Variants in PDXDC1 observed in about 807,000 individuals in gnomAD.
The protein encoded by PDXDC1 is pyridoxal dependent decarboxylase domain containing 1, also known as pyridoxal-dependent decarboxylase domain-containing protein 1.
PDXDC1 carries 42 observed loss-of-function variants against 100.1 expected under a neutral mutation model. The observed-to-expected ratio is 0.42, with a 90% CI of 0.33 to 0.54. PDXDC1 has a LOEUF of 0.54. PDXDC1 is among the 20% of genes least tolerant of loss of function. The pLI is 0.10. For missense variants in PDXDC1, 636 were observed against 979.2 expected (o/e 0.65, Z 4.68); for synonymous variants, 260 against 371.7 (o/e 0.70, Z 3.46).
intron 16 of PDXDC1, among the ~76,000 whole-genome samples, chr16:15,062,577 T>C (rs1399539096): frequency 2.0e-5 from 3 of 152,194 alleles, no homozygotes; most frequent in Non-Finnish European, 2.9e-5. Flanking sequence ...GGAGGGTATG[T>C]TGCAACCTGC....
intron 16 of PDXDC1, chr16:15,131,232 G>A (rs779806835): frequency 1.9e-6 from 3 of 1,591,582 alleles, no homozygotes; most frequent in Non-Finnish European, 2.6e-6. Context: ...CCCAGTCCGA[G>A]TTGTTGGGCA....
chr16:15,073,869 A>G (rs538923287), intron 16 of PDXDC1, among the ~76,000 whole-genome samples: 1 of 152,096 alleles, frequency 6.6e-6, no homozygotes, highest in South Asian at 2.1e-4. Flanking sequence ...TGATCCTCCC[A>G]CCTTGGCCTA....
At chr16:15,018,265 T>A (rs2041941317) in intron 11 of PDXDC1, among the ~76,000 whole-genome samples, 1 of 152,160 alleles carries the variant, frequency 6.6e-6, no homozygotes, top group African/African-American at 2.4e-5. Flanking sequence ...AAGAATTAGC[T>A]GGGCATGGTG....
downstream of PDXDC1, chr16:15,041,185 G>C (rs1237886107): frequency 5.5e-6 from 6 of 1,084,430 alleles, no homozygotes; most frequent in Non-Finnish European, 8.5e-6. Context: ...TTTTTACTTT[G>C]TATAATAAAG....
intron 16 of PDXDC1, among the ~76,000 whole-genome samples, chr16:15,119,684 G>A (rs1420472855): frequency 2.1e-4 from 30 of 141,078 alleles, no homozygotes; most frequent in Non-Finnish European, 2.0e-4. Context: ...CCAAAGTGCT[G>A]GGATTACAGG....
intron 1 of PDXDC1, among the ~76,000 whole-genome samples, chr16:14,983,586 A>AG: frequency 1.3e-5 from 2 of 152,070 alleles, no homozygotes; most frequent in Non-Finnish European, 2.9e-5. Flanking sequence ...AAAAAAAAAA[A>AG]AAAAAAAAAA....
chr16:15,130,902 G>A, intron 16 of PDXDC1: 3 of 717,480 alleles, frequency 4.2e-6, no homozygotes, highest in Non-Finnish European at 2.4e-6. Flanking sequence ...AAGGCCATAG[G>A]AGCCTCTGCA....
Position 15,034,486 on chromosome 16 carries a change from C to T in PDXDC1, c.1935C>T (p.Gly645=), listed in dbSNP as rs780787117. The T allele has an allele frequency of 5.6e-6, 9 of 1,614,022 alleles. No individual in the cohort carries two copies. Among genetic ancestry groups the T allele is most frequent in the Non-Finnish European group, 7.6e-6 (9 of 1,180,028 alleles). The part of the protein sequence containing the change: ...EGVLRQIPVV[G]SVLNWFSPVQ... ...TGTTGCGGCAGATCCCTGTAGTGGG[C>T]TCCGTGCTGAATTGGTTTTCTCCGG... Residue 645 remains glycine, a synonymous_variant, in exon 21 of 23, where the codon GGC becomes GGT. Transcript: ENST00000396410.
chr16:15,058,666 G>A (rs1307959165), intron 16 of PDXDC1, among the ~76,000 whole-genome samples: 2 of 152,172 alleles, frequency 1.3e-5, no homozygotes, highest in African/African-American at 2.4e-5. Context: ...GGCGGAGGTT[G>A]CAGTTGTTGA....
At chr16:15,130,595 T>C in intron 16 of PDXDC1, 5 of 1,302,372 alleles carry the variant, frequency 3.8e-6, no homozygotes, top group Non-Finnish European at 5.5e-6. Flanking sequence ...TGACCCATGA[T>C]GCCCTGCCCT....
chr16:15,043,704 C>CT (rs1205747554), intron 16 of PDXDC1, among the ~76,000 whole-genome samples: 1 of 152,156 alleles, frequency 6.6e-6, no homozygotes, highest in Non-Finnish European at 1.5e-5. Context: ...AATCCCAGCA[C>CT]TTTAAGAGGC....
chr16:15,100,583 G>A (rs1026668576), intron 16 of PDXDC1, among the ~76,000 whole-genome samples: 1 of 152,156 alleles, frequency 6.6e-6, no homozygotes, highest in Non-Finnish European at 1.5e-5. Flanking sequence ...CCCAGTAGAT[G>A]ACAGTAGCAC....
At chr16:15,122,975 A>C (rs2047512357) in intron 16 of PDXDC1, among the ~76,000 whole-genome samples, 1 of 150,890 alleles carries the variant, frequency 6.6e-6, no homozygotes, top group African/African-American at 2.4e-5. Context: ...TAAGTTCTCA[A>C]GCGCTGGTGG....
rs1277882939 is a variant in PDXDC1, at chr16:15,034,398, G to A, written c.1905+20G>A. ...GAAGAGGTGAGGCCCCCGATGGGCA[G>A]CAGGCTGGGGGAGCCGCCGTGAGGC... On this transcript the variant is annotated intron_variant, in intron 20 of 22. Transcript: ENST00000396410. 6.2e-7 allele frequency: 1 copy of A among 1,613,408 alleles called. No individual in the cohort carries two copies.
chr16:15,005,242 C>A (rs1217555535), intron 5 of PDXDC1, among the ~76,000 whole-genome samples: 1 of 152,024 alleles, frequency 6.6e-6, no homozygotes, highest in African/African-American at 2.4e-5. Context: ...ACCTGTAGTC[C>A]CAGCTCCTCT....
rs1447045250 is a variant in PDXDC1, at chr16:15,036,483, T to C, written c.*208T>C. 3 of 567,144 alleles carry C rather than the reference T, an allele frequency of 5.3e-6. No individual in the cohort carries two copies. Among genetic ancestry groups the C allele is most frequent in the Non-Finnish European group, 9.3e-6 (3 of 322,302 alleles). The allele number at this position is 567,144 out of a possible 1,614,324, so 35.1% of individuals were successfully genotyped here. On this transcript the variant is annotated 3_prime_UTR_variant, in exon 23 of 23. Coordinates refer to ENST00000396410, the MANE Select transcript of PDXDC1 (RefSeq NM_015027.4). ...CATGTACATGTAGAACCACGTTTGC[T>C]GTCCTACTACGACTTTTCCCTAAGT...
In PDXDC1 at chr16:15,004,190, C is replaced by T. The variant is rs11549900; in HGVS notation, c.246C>T (p.Ile82=). The T allele has an allele frequency of 6.9e-7, 1 of 1,458,912 alleles. No homozygotes were observed. The highest frequency in any genetic ancestry group is 1.4e-5 in the African/African-American group (1 of 73,446). The allele number at this position is 1,458,912 out of a possible 1,614,324, so 90.4% of individuals were successfully genotyped here. Residue 82 remains isoleucine, a synonymous_variant, in exon 5 of 23, where the codon ATC becomes ATT. Coordinates refer to ENST00000396410, the MANE Select transcript of PDXDC1 (RefSeq NM_015027.4). ...ATACTTTAATTTTGCTTAACAGAAT[C>T]CAAAATATTGGAGAACAAGGTCATA... is the stretch of plus-strand genomic sequence containing the variant. ...DEDEEPQSPR[I]QNIGEQGHMA...
chr16:15,132,980 T>A, intron 16 of PDXDC1: 1 of 1,531,284 alleles, frequency 6.5e-7, no homozygotes, highest in Admixed American at 1.7e-5. Flanking sequence ...AGATGCTGTG[T>A]GATGTGGGCA....
downstream of PDXDC1, among the ~76,000 whole-genome samples, chr16:15,143,325 G>A (rs1042405977): frequency 4.6e-5 from 7 of 152,298 alleles, no homozygotes; most frequent in African/African-American, 1.4e-4. Flanking sequence ...AGCAACAGCA[G>A]AGGGTGTGGC....
Sources: gnomAD v4.1 joint callset for allele counts (sites outside exome capture counted in the v4.1 genomes callset) on GRCh38, gnomAD v4.1.1 for gene constraint, MANE v1.5 for transcripts, NCBI Gene and HGNC (gene_info 2026-07-23, HGNC 2026-07-21) for gene names.